Variants in SHANK2 observed in about 807,000 individuals in gnomAD.
SHANK2 encodes SH3 and multiple ankyrin repeat domains 2.
Under a neutral mutation model 133.7 loss-of-function variants are expected in SHANK2, and 43 were observed. The observed-to-expected ratio is 0.32, with a 90% CI of 0.25 to 0.41. SHANK2 has a LOEUF of 0.41. SHANK2 is among the 10% of genes least tolerant of loss of function. The pLI is 1.00. For synonymous variants in SHANK2, 1,017 were observed against 952.8 expected (o/e 1.07, Z -1.24); for missense variants, 1,994 against 2,235.8 (o/e 0.89, Z 2.18).
intron 2 of SHANK2, among the ~76,000 whole-genome samples, chr11:71,159,721 T>A (rs782042058): frequency 6.6e-6 from 1 of 152,138 alleles, no homozygotes; most frequent in South Asian, 2.1e-4. Flanking sequence ...TGGTGGCTCA[T>A]GCCCGTAATC....
In SHANK2 at chr11:70,668,453, G is replaced by A. The variant is rs116621569; in HGVS notation, c.1854-6775C>T. The A allele has an allele frequency of 1.8e-4, 28 of 152,572 alleles. 1 individual carries two copies. Among genetic ancestry groups the A allele is most frequent in the African/African-American group, 5.3e-4 (22 of 41,560 alleles). The allele number at this position is 152,572 out of a possible 1,614,324, so 9.5% of individuals were successfully genotyped here. ...GCCAACAGCAGAGGTGGAGGAGGAA[G>A]ACTCTCCCCTGGAGCCCCCGGAGGG... On this transcript the variant is annotated intron_variant, in intron 15 of 25. Transcript: ENST00000601538.
At position 71,237,144 on chromosome 11, in the gene SHANK2, G is replaced by C. The variant is rs1954835090; in HGVS notation, c.-112-12348C>G. 3.3e-5 allele frequency among the ~76,000 whole-genome samples: 5 copies of C among 152,326 alleles called. No homozygotes were observed. In the South Asian group the frequency reaches 1.0e-3, roughly 32 times the overall value. ...AAATGTGATGCAAGCAAATACTGCA[G>C]ACCATGGCATCCTGAAGCTCCCCCT... On this transcript the variant is annotated intron_variant, in intron 1 of 25. Coordinates refer to ENST00000601538, the MANE Select transcript of SHANK2 (RefSeq NM_012309.5).
intron 17 of SHANK2, among the ~76,000 whole-genome samples, chr11:70,558,782 A>C (rs1220469118): frequency 1.3e-5 from 2 of 152,144 alleles, no homozygotes; most frequent in African/African-American, 4.8e-5. Context: ...GACGGCCCAG[A>C]GCGCAGGGAT....
chr11:71,070,284 G>A (rs1951126573), intron 9 of SHANK2, among the ~76,000 whole-genome samples: 1 of 152,200 alleles, frequency 6.6e-6, no homozygotes, highest in Non-Finnish European at 1.5e-5. Context: ...GGAGGAGTAT[G>A]AGGGATACAC....
intron 16 of SHANK2, among the ~76,000 whole-genome samples, chr11:70,660,266 A>C (rs1305980395): frequency 6.6e-6 from 1 of 152,202 alleles, no homozygotes; most frequent in Non-Finnish European, 1.5e-5. Context: ...TCAGTGACTA[A>C]ACATTTTCGG....
chr11:71,248,130 G>C (rs1157270897), intron 1 of SHANK2, among the ~76,000 whole-genome samples: 2 of 152,206 alleles, frequency 1.3e-5, no homozygotes, highest in Non-Finnish European at 2.9e-5. Flanking sequence ...ATTGTCCCCC[G>C]CCCTGCAAAG....
intron 15 of SHANK2, among the ~76,000 whole-genome samples, chr11:70,688,413 G>C (rs1945205040): frequency 6.6e-6 from 1 of 152,096 alleles, no homozygotes; most frequent in Admixed American, 6.5e-5. Context: ...ACCTAATTTC[G>C]TGCACCTAAT....
chr11:70,818,024 C>T (rs185983335), intron 12 of SHANK2, among the ~76,000 whole-genome samples: 3 of 152,284 alleles, frequency 2.0e-5, no homozygotes, highest in East Asian at 3.9e-4. Flanking sequence ...TGTGAGCTAC[C>T]GCACCTGGTC....
chr11:70,762,500 C>T (rs1947016633), intron 14 of SHANK2, among the ~76,000 whole-genome samples: 1 of 152,148 alleles, frequency 6.6e-6, no homozygotes, highest in Non-Finnish European at 1.5e-5. Context: ...GAGTCTTCCA[C>T]CAGGGTTTTT....
At chr11:70,778,976 A>G (rs1206444496) in intron 14 of SHANK2, among the ~76,000 whole-genome samples, 3 of 152,200 alleles carry the variant, frequency 2.0e-5, no homozygotes, top group South Asian at 2.1e-4. Flanking sequence ...CTGTGGAGAA[A>G]AAAAGGACAG....
At chr11:70,903,389 A>G (rs1248427530) in intron 10 of SHANK2, among the ~76,000 whole-genome samples, 1 of 137,218 alleles carries the variant, frequency 7.3e-6, no homozygotes, top group Non-Finnish European at 1.5e-5. Context: ...AATAAAATAA[A>G]GTAAATAAAA....
At chr11:70,576,138 G>A (rs1413169264) in intron 17 of SHANK2, among the ~76,000 whole-genome samples, 2 of 152,078 alleles carry the variant, frequency 1.3e-5, no homozygotes, top group African/African-American at 4.8e-5. Context: ...TTGTGTCTAC[G>A]GGGAACTACC....
intron 15 of SHANK2, among the ~76,000 whole-genome samples, chr11:70,662,493 A>AGGTGGCC (rs1212482223): frequency 6.6e-6 from 1 of 152,112 alleles, no homozygotes; most frequent in African/African-American, 2.4e-5. Context: ...CAGCCTTGGA[A>AGGTGGCC]GGTGGCCGGT....
At chr11:70,828,307 C>A (rs1948676411) in intron 11 of SHANK2, among the ~76,000 whole-genome samples, 1 of 152,088 alleles carries the variant, frequency 6.6e-6, no homozygotes, top group Non-Finnish European at 1.5e-5. Flanking sequence ...CCCACAAAAA[C>A]CCAGAAATAA....
Position 70,471,631 on chromosome 11 carries a change from C to G in SHANK2, c.*1238G>C. 1.0e-5 allele frequency: 4 copies of G among 383,628 alleles called. No individual in the cohort carries two copies. Among genetic ancestry groups the G allele is most frequent in the South Asian group, 1.5e-4 (1 of 6,870 alleles). 23.8% of individuals were successfully genotyped at this position (383,628 alleles called of 1,614,324 possible). A position where few individuals can be genotyped will look rare whatever the true frequency, so the allele number is the denominator to read the frequency against. The stretch of plus-strand genomic sequence containing the variant: ...GGGTTCTGTCTATACTCCATACCCA[C>G]TGGGTCCTCAAAGAAGCTGTTGTAC... On this transcript the variant is annotated 3_prime_UTR_variant, in exon 26 of 26. Transcript: ENST00000601538. The surrounding 1 kb of genome is among the most constrained non-coding windows in gnomAD (Gnocchi z 4.1).
chr11:71,131,334 C>T (rs376305555), intron 3 of SHANK2, among the ~76,000 whole-genome samples: 6 of 152,160 alleles, frequency 3.9e-5, no homozygotes, highest in Admixed American at 2.0e-4. Context: ...GGGGTGACCT[C>T]GACTCAGAAG....
chr11:70,588,801 G>A (rs1252574440), intron 17 of SHANK2, among the ~76,000 whole-genome samples: 1 of 152,204 alleles, frequency 6.6e-6, no homozygotes, highest in East Asian at 1.9e-4. Context: ...CTAAACAACA[G>A]ATTTTCAATT....
At chr11:70,912,022 CAG>C (rs1555079106) in intron 10 of SHANK2, among the ~76,000 whole-genome samples, 3 of 134,832 alleles carry the variant, frequency 2.2e-5, no homozygotes, top group Non-Finnish European at 1.5e-5. Context: ...GCAGAGGTTG[CAG>C]AGAGCTGAGA....
intron 15 of SHANK2, among the ~76,000 whole-genome samples, chr11:70,679,304 G>C (rs1555017882): frequency 1.3e-5 from 2 of 152,238 alleles, no homozygotes; most frequent in African/African-American, 4.8e-5. Context: ...AGGTCACACA[G>C]CTGGCAAATG....
Sources: gnomAD v4.1 joint callset for allele counts (sites outside exome capture counted in the v4.1 genomes callset) on GRCh38, gnomAD v4.1.1 for gene constraint, Gnocchi (gnomAD v3.1) non-coding constraint, MANE v1.5 for transcripts, NCBI Gene and HGNC (gene_info 2026-07-23, HGNC 2026-07-21) for gene names.